SGCD: variants seen among roughly 807,000 people sequenced by gnomAD.
SGCD encodes the protein sarcoglycan delta.
A neutral mutation model predicts 36.6 loss-of-function variants in SGCD; 18 were observed. The ratio of observed to expected loss-of-function variants is 0.49; its 90% CI spans 0.34 to 0.73. The LOEUF (loss-of-function observed/expected upper bound fraction) is 0.73, where lower values mean the gene tolerates loss of function less well. Among genes scored for constraint, SGCD ranks in the 30% least tolerant of loss-of-function variants. The probability of loss-of-function intolerance (pLI) is 0.01; values close to 1 mark genes in which losing one functional copy is unlikely to be tolerated. For missense variants in SGCD, 387 were observed against 346.7 expected, an observed-to-expected ratio of 1.12 and a Z score of -0.92; for synonymous variants, 133 against 130.6, an observed-to-expected ratio of 1.02 and a Z score of -0.12.
intron 1 of SGCD, among the ~76,000 whole-genome samples, chr5:156,012,834 G>A (rs1292803456): frequency 2.0e-5 from 3 of 151,796 alleles, no homozygotes; most frequent in Admixed American, 6.6e-5. Context: ...GGATGGTCTC[G>A]ATTTCCTGAC....
the SGCD span, among the ~76,000 whole-genome samples, chr5:155,811,442 A>C: frequency 4.6e-5 from 7 of 152,110 alleles, no homozygotes; most frequent in African/African-American, 1.7e-4. Context: ...AAAAAGAAGC[A>C]CTCATTTATG....
chr5:155,746,588 G>C, the SGCD span, among the ~76,000 whole-genome samples: 1 of 152,070 alleles, frequency 6.6e-6, no homozygotes, highest in African/African-American at 2.4e-5. Context: ...TCAAGTTCCT[G>C]TCTCTTGTCT....
intron 3 of SGCD, among the ~76,000 whole-genome samples, chr5:156,417,221 C>A (rs2127774642): frequency 6.6e-6 from 1 of 152,260 alleles, no homozygotes; most frequent in African/African-American, 2.4e-5. Flanking sequence ...TCCTCAATTT[C>A]TATTTTTACC....
the SGCD span, among the ~76,000 whole-genome samples, chr5:155,846,343 TG>T: frequency 6.6e-6 from 1 of 152,190 alleles, no homozygotes; most frequent in African/African-American, 2.4e-5. Flanking sequence ...CTCTTTGCAG[TG>T]GTTTCCTTTA....
chr5:156,114,206 G>A (rs540920752), intron 1 of SGCD, among the ~76,000 whole-genome samples: 3 of 152,174 alleles, frequency 2.0e-5, no homozygotes, highest in South Asian at 2.1e-4. Context: ...AATGTAGCAC[G>A]CCAGTTGGTG....
chr5:155,902,953 A>C (rs1756422781), intron 1 of SGCD, among the ~76,000 whole-genome samples: 1 of 152,104 alleles, frequency 6.6e-6, no homozygotes, highest in African/African-American at 2.4e-5. Flanking sequence ...AATCAGTTTT[A>C]TTTCTTTTGA....
At chr5:156,127,346 G>C (rs1295935930) in intron 3 of SGCD, among the ~76,000 whole-genome samples, 1 of 152,162 alleles carries the variant, frequency 6.6e-6, no homozygotes, top group Non-Finnish European at 1.5e-5. Flanking sequence ...GCTCATGCCT[G>C]TAATCTTAGT....
At chr5:156,051,911 T>G (rs576740554) in intron 1 of SGCD, among the ~76,000 whole-genome samples, 1 of 145,574 alleles carries the variant, frequency 6.9e-6, no homozygotes, top group Non-Finnish European at 1.5e-5. Context: ...GGATGTGAAA[T>G]GCTGGTGGAG....
intron 3 of SGCD, among the ~76,000 whole-genome samples, chr5:156,229,284 A>G (rs1343364804): frequency 9.5e-6 from 1 of 105,750 alleles, no homozygotes; most frequent in African/African-American, 4.8e-5. Flanking sequence ...ATACATATAT[A>G]TATATATATA....
At chr5:156,261,314 G>A (rs943362206) in intron 3 of SGCD, among the ~76,000 whole-genome samples, 1 of 152,114 alleles carries the variant, frequency 6.6e-6, no homozygotes, top group East Asian at 1.9e-4. Context: ...TTTGGTGTAT[G>A]TTTTCCTGGT....
chr5:155,835,825 T>C, the SGCD span, among the ~76,000 whole-genome samples: 2 of 152,196 alleles, frequency 1.3e-5, no homozygotes, highest in Admixed American at 1.3e-4. Flanking sequence ...GTAAACAATT[T>C]GTAAGTTTTA....
intron 1 of SGCD, among the ~76,000 whole-genome samples, chr5:156,110,842 G>A (rs760137117): frequency 5.2e-4 from 79 of 152,016 alleles, no homozygotes; most frequent in Non-Finnish European, 9.1e-4. Flanking sequence ...AGCTACTTCC[G>A]GCAGGTGTCT....
intron 1 of SGCD, among the ~76,000 whole-genome samples, chr5:156,108,980 G>A (rs925964682): frequency 1.3e-5 from 2 of 152,072 alleles, no homozygotes; most frequent in Admixed American, 6.6e-5. Flanking sequence ...GTGAGTATAG[G>A]CCGTGCTTGC....
chr5:155,874,986 G>C (rs1200467249), intron 1 of SGCD, among the ~76,000 whole-genome samples: 3 of 138,496 alleles, frequency 2.2e-5, no homozygotes, highest in Admixed American at 7.8e-5. Flanking sequence ...AGCTTTATTT[G>C]TAATAGCCAA....
At chr5:156,007,036 G>A (rs753923975) in intron 1 of SGCD, among the ~76,000 whole-genome samples, 8 of 152,150 alleles carry the variant, frequency 5.3e-5, no homozygotes, top group East Asian at 1.9e-4. Context: ...CCTTGAAATC[G>A]TTTCATAGTG....
intron 1 of SGCD, among the ~76,000 whole-genome samples, chr5:155,876,954 C>T (rs1755779800): frequency 6.6e-6 from 1 of 152,068 alleles, no homozygotes; most frequent in African/African-American, 2.4e-5. Context: ...CTGATAAATA[C>T]TCATTTTTAT....
chr5:156,489,277 G>A (rs1322736874), intron 3 of SGCD, among the ~76,000 whole-genome samples: 1 of 152,072 alleles, frequency 6.6e-6, no homozygotes, highest in African/African-American at 2.4e-5. Context: ...CTCCTATACA[G>A]TAATAGTTGG....
chr5:156,549,917 C>T (rs1009363748), intron 4 of SGCD, among the ~76,000 whole-genome samples: 4 of 152,258 alleles, frequency 2.6e-5, no homozygotes, highest in African/African-American at 7.2e-5. Flanking sequence ...ATGCAAATAA[C>T]CCTTATCAAC....
intron 3 of SGCD, among the ~76,000 whole-genome samples, chr5:156,497,037 G>A (rs1756224345): frequency 6.6e-6 from 1 of 152,096 alleles, no homozygotes; most frequent in African/African-American, 2.4e-5. Context: ...TTCATATGAA[G>A]AGCATGAGCC....
Sources: gnomAD v4.1 joint callset for allele counts (sites outside exome capture counted in the v4.1 genomes callset) on GRCh38, gnomAD v4.1.1 for gene constraint, MANE v1.5 for transcripts, NCBI Gene and HGNC (gene_info 2026-07-23, HGNC 2026-07-21) for gene names.